Variants in PLEKHA6 observed in about 807,000 individuals in gnomAD.
The protein encoded by PLEKHA6 is pleckstrin homology domain-containing family A member 6.
A neutral mutation model predicts 116.7 loss-of-function variants in PLEKHA6; 60 were observed. The observed-to-expected ratio is 0.51, with a 90% CI of 0.42 to 0.64. PLEKHA6 has a LOEUF of 0.64. Ranked by LOEUF, PLEKHA6 falls within the 30% of genes least tolerant of loss-of-function variation. The probability of loss-of-function intolerance (pLI) is 0.00; values close to 1 mark genes in which losing one functional copy is unlikely to be tolerated. For missense variants in PLEKHA6, 1,338 were observed against 1,422.7 expected, an observed-to-expected ratio of 0.94 and a Z score of 0.96; for synonymous variants, 489 against 556.1, an observed-to-expected ratio of 0.88 and a Z score of 1.70.
Position 204,323,171 on chromosome 1 carries a change from G to T in PLEKHA6, c.-95+36523C>A, listed in dbSNP as rs141365258. Among the ~76,000 whole-genome samples the T allele has an allele frequency of 1.6e-3, 240 of 152,314 alleles. 1 individual carries two copies. Among genetic ancestry groups the T allele is most frequent in the African/African-American group, 5.7e-3 (239 of 41,570 alleles). On this transcript the variant is annotated intron_variant, in intron 1 of 22. Transcript: ENST00000272203. ...TAGGCCCTGACACTCAGTGCCCTCC[G>T]GGAGCTTGCACTCATGTTAATTATC...
chr1:204,238,252 C>T lies in PLEKHA6; in HGVS notation c.2409+3123G>A, dbSNP rs929992496. On this transcript the variant is annotated intron_variant, in intron 17 of 22. Transcript: ENST00000272203. This position sits in a 1 kb window ranked among gnomAD's most constrained non-coding sequence, Gnocchi z 4.2. ...GTGCCAACTGGGCCATATGACCCAGCGGATCCAATGGTGCTTGAGGTGTCA... is the reference window on the plus strand; with the variant it reads ...GTGCCAACTGGGCCATATGACCCAGTGGATCCAATGGTGCTTGAGGTGTCA... 7.2e-5 allele frequency among the ~76,000 whole-genome samples: 11 copies of T among 152,156 alleles called. No homozygotes were observed. Among genetic ancestry groups the T allele is most frequent in the Non-Finnish European group, 1.2e-4 (8 of 68,030 alleles).
At chr1:204,224,213 G>A (rs1189149109) in intron 21 of PLEKHA6, among the ~76,000 whole-genome samples, 3 of 152,032 alleles carry the variant, frequency 2.0e-5, no homozygotes, top group African/African-American at 7.2e-5. Context: ...ATCGAGACAA[G>A]CCTGAAATGA....
chr1:204,327,189 T>C (rs183842702), intron 1 of PLEKHA6, among the ~76,000 whole-genome samples: 96 of 152,334 alleles, frequency 6.3e-4, no homozygotes, highest in Non-Finnish European at 1.0e-3. Context: ...AGAAATACAG[T>C]ATTTCATTTT....
intron 1 of PLEKHA6, chr1:204,326,984 G>C (rs148897587): frequency 7.1e-6 from 7 of 985,150 alleles, no homozygotes; most frequent in Non-Finnish European, 8.4e-6. Flanking sequence ...CGCTGGGTAC[G>C]GCAGCCTCTG....
intron 21 of PLEKHA6, among the ~76,000 whole-genome samples, chr1:204,227,605 G>A (rs551101077): frequency 1.2e-3 from 181 of 152,244 alleles, no homozygotes; most frequent in African/African-American, 4.1e-3. Flanking sequence ...TAATTGCATC[G>A]CTCTCAACTC....
rs1465951256 is a variant in PLEKHA6, at chr1:204,244,966, G to C, written c.2070C>G (p.Ser690Arg). 3.4e-6 allele frequency: 5 copies of C among 1,464,086 alleles called. No individual in the cohort carries two copies. The highest frequency in any genetic ancestry group is 4.5e-6 in the Non-Finnish European group (5 of 1,106,456). The allele number at this position is 1,464,086 out of a possible 1,614,324, so 90.7% of individuals were successfully genotyped here. ...LGPSATYSSN[S>R]PASPLSSASL... ...TGGCAGAGCTGAGGGGGCTGGCCGG[G>C]CTGTTGGAGCTGTAGGTGGCTGAGG... is the stretch of plus-strand genomic sequence containing the variant. Residue 690 changes from serine (S) to arginine (R), a missense_variant, in exon 15 of 23, where the codon AGC becomes AGG. This residue lies in a region of PLEKHA6 where 1,136 missense variants were observed against 1,163.6 expected (regional missense o/e 0.98). Transcript: ENST00000272203.
intron 15 of PLEKHA6, chr1:204,243,008 GA>G: frequency 2.5e-6 from 1 of 399,024 alleles, no homozygotes; most frequent in Non-Finnish European, 4.4e-6. Context: ...CGACCTTTGG[GA>G]AAATTAATGG....
At chr1:204,273,226 G>T (rs1020194350) in intron 3 of PLEKHA6, among the ~76,000 whole-genome samples, 1 of 152,160 alleles carries the variant, frequency 6.6e-6, no homozygotes, top group Non-Finnish European at 1.5e-5. Context: ...AGGTTGGGGA[G>T]ATTTTGTCCC....
intron 1 of PLEKHA6, among the ~76,000 whole-genome samples, chr1:204,308,299 T>G (rs1406810206): frequency 6.6e-6 from 1 of 152,174 alleles, no homozygotes; most frequent in Non-Finnish European, 1.5e-5. Context: ...GGCTCATGCC[T>G]ATAATCTCAA....
intron 3 of PLEKHA6, among the ~76,000 whole-genome samples, chr1:204,271,536 A>C (rs1667452693): frequency 6.6e-6 from 1 of 152,202 alleles, no homozygotes; most frequent in African/African-American, 2.4e-5. Flanking sequence ...AAATCTCTAA[A>C]TCCTTCCCTT....
At position 204,257,830 on chromosome 1, in the gene PLEKHA6, C is replaced by G; in HGVS notation, c.1047G>C (p.Glu349Asp). 1 of 1,613,624 alleles carries G rather than the reference C, an allele frequency of 6.2e-7. No individual in the cohort carries two copies. Among genetic ancestry groups the G allele is most frequent in the Non-Finnish European group, 8.5e-7 (1 of 1,179,720 alleles). Reference sequence around the variant, plus strand: ...ACTGGGAGGAGTAGGGGCCATAGTACTCAGGGACCCTGCGAGACACAGGAT... The same window carrying G: ...ACTGGGAGGAGTAGGGGCCATAGTAGTCAGGGACCCTGCGAGACACAGGAT... ...RFYPVSRRVP[E>D]YYGPYSSQYP... Residue 349 changes from glutamate to aspartate, a missense_variant, in exon 9 of 23, where the codon GAG (glutamate) becomes GAC (aspartate). Physicochemically the swap from Glu to Asp is conservative, Grantham distance 45 (BLOSUM62 2). Coordinates refer to ENST00000272203, the MANE Select transcript of PLEKHA6 (RefSeq NM_014935.5). The surrounding 1 kb of genome is among the most constrained non-coding windows in gnomAD (Gnocchi z 6.5).
At chr1:204,239,237 G>T (rs1002516256) in intron 17 of PLEKHA6, among the ~76,000 whole-genome samples, 1 of 152,182 alleles carries the variant, frequency 6.6e-6, no homozygotes, top group Non-Finnish European at 1.5e-5. Context: ...GCAGGGATGG[G>T]GGTTACACAT....
At chr1:204,301,109 TA>T in intron 1 of PLEKHA6, 1 of 269,824 alleles carries the variant, frequency 3.7e-6, no homozygotes, top group Non-Finnish European at 5.7e-6. Context: ...AGGTTTTATG[TA>T]ATAAACAATG....
At chr1:204,362,135 C>G (rs1572232596), upstream of PLEKHA6, among the ~76,000 whole-genome samples, 1 of 152,062 alleles carries the variant, frequency 6.6e-6, no homozygotes, top group East Asian at 1.9e-4. Context: ...GCTGGGGGAC[C>G]AAGGCGGAAG....
intron 3 of PLEKHA6, among the ~76,000 whole-genome samples, chr1:204,367,419 C>T (rs1380790612): frequency 1.3e-5 from 2 of 152,216 alleles, no homozygotes; most frequent in Non-Finnish European, 2.9e-5. Flanking sequence ...ACCTTCCCTT[C>T]CCACTGCCTC....
chr1:204,296,753 T>G (rs1195179874), intron 1 of PLEKHA6, among the ~76,000 whole-genome samples: 1 of 152,104 alleles, frequency 6.6e-6, no homozygotes, highest in East Asian at 1.9e-4. Context: ...TCCAAAAGAG[T>G]CAGGCAGGAT....
Position 204,261,476 on chromosome 1 carries a change from G to A in PLEKHA6, c.382-28C>T, listed in dbSNP as rs2102785040. 6.3e-7 allele frequency: 1 copy of A among 1,580,232 alleles called. No individual in the cohort carries two copies. The highest frequency in any genetic ancestry group is 8.6e-7 in the Non-Finnish European group (1 of 1,161,988). On this transcript the variant is annotated intron_variant, in intron 6 of 22. Coordinates refer to ENST00000272203, the MANE Select transcript of PLEKHA6 (RefSeq NM_014935.5). The surrounding 1 kb of genome is among the most constrained non-coding windows in gnomAD (Gnocchi z 4.0). ...GTGGGGAGAGGCAGCGTGTGGAGCT[G>A]GCCTCGGCCTCATCCACCCAGCACA... is the stretch of plus-strand genomic sequence containing the variant.
chr1:204,236,723 C>T (rs1662105478), intron 17 of PLEKHA6, among the ~76,000 whole-genome samples: 1 of 152,056 alleles, frequency 6.6e-6, no homozygotes, highest in African/African-American at 2.4e-5. Context: ...TCCTGGTATT[C>T]CTAGAAGTGA....
chr1:204,368,272 C>G (rs1269555754), intron 2 of PLEKHA6, among the ~76,000 whole-genome samples: 1 of 152,188 alleles, frequency 6.6e-6, no homozygotes, highest in African/African-American at 2.4e-5. Flanking sequence ...GGGCAGGTCA[C>G]TTGCCCCAGG....
Sources: allele counts gnomAD v4.1 joint callset (sites outside exome capture counted in the v4.1 genomes callset), GRCh38; gene constraint gnomAD v4.1.1; regional missense constraint gnomAD v4.1.1; non-coding constraint Gnocchi (gnomAD v3.1); transcripts MANE v1.5; gene names NCBI Gene and HGNC (gene_info 2026-07-23, HGNC 2026-07-21).